The following LUC7L3 variants were observed in gnomAD, a reference collection of about 807,000 sequenced individuals.
The protein encoded by LUC7L3 is luc7-like protein 3.
In LUC7L3, 6 loss-of-function variants were observed where a neutral mutation model predicts 66.8. The observed-to-expected ratio is 0.09, with a 90% confidence interval of 0.05 to 0.18. The LOEUF is 0.18. Among genes scored for constraint, LUC7L3 ranks in the 10% least tolerant of loss-of-function variants. The pLI, the probability that LUC7L3 is intolerant of heterozygous loss-of-function variation, is 1.00. For missense variants in LUC7L3, 341 were observed against 531.1 expected, an observed-to-expected ratio of 0.64 and a Z score of 3.52; for synonymous variants, 160 against 174.7, an observed-to-expected ratio of 0.92 and a Z score of 0.66.
At chr17:50,737,496 G>A (rs73989836) in intron 2 of LUC7L3, 30 of 302,996 alleles carry the variant, frequency 9.9e-5, no homozygotes, top group Non-Finnish European at 1.8e-4. Flanking sequence ...CAGAAGGCAG[G>A]GTTGAGTCAT....
At chr17:50,730,513 C>CAA (rs3063109) in intron 1 of LUC7L3, among the ~76,000 whole-genome samples, 669 of 59,050 alleles carry the variant, frequency 0.011, 7 homozygotes, top group Non-Finnish European at 0.014. Flanking sequence ...ACTCTGTCTC[C>CAA]AAAAAAAAAA....
intron 1 of LUC7L3, among the ~76,000 whole-genome samples, chr17:50,725,524 T>C (rs916683734): frequency 7.2e-5 from 11 of 152,296 alleles, no homozygotes; most frequent in African/African-American, 2.2e-4. Context: ...ACTTTTTTTT[T>C]CCAATGGGGA....
chr17:50,734,224 A>G (rs1323445918), intron 1 of LUC7L3, among the ~76,000 whole-genome samples: 2 of 150,644 alleles, frequency 1.3e-5, no homozygotes, highest in Admixed American at 6.6e-5. Context: ...CTAGAGTGCA[A>G]TGGCCTAATC....
At chr17:50,724,072 A>G (rs1378136130) in intron 1 of LUC7L3, 1 of 400,848 alleles carries the variant, frequency 2.5e-6, no homozygotes, top group East Asian at 8.0e-5. Flanking sequence ...GAATAGTATA[A>G]TAAATTGAAC....
intron 5 of LUC7L3, among the ~76,000 whole-genome samples, chr17:50,742,644 C>T (rs1970422705): frequency 6.6e-6 from 1 of 152,182 alleles, no homozygotes; most frequent in African/African-American, 2.4e-5. Context: ...CAGGTGTAAG[C>T]CACTGTGCCT....
Position 50,751,318 on chromosome 17 carries a change from A to G in LUC7L3, c.*657A>G. 1 of 1,305,710 alleles carries G rather than the reference A, an allele frequency of 7.7e-7. No individual in the cohort carries two copies. The highest frequency in any genetic ancestry group is 2.3e-5 in the Admixed American group (1 of 43,996). The allele number at this position is 1,305,710 out of a possible 1,614,324, so 80.9% of individuals were successfully genotyped here. ...ACAGCGTTGGTGTTGTGAGCGGCCC[A>G]TGAAAAGCCAAATTAAAAATCAAGG... On this transcript the variant is annotated 3_prime_UTR_variant, in exon 10 of 10. Transcript: ENST00000505658.
At chr17:50,721,987 CTG>C (rs1968801623) in intron 1 of LUC7L3, 1 of 151,680 alleles carries the variant, frequency 6.6e-6, no homozygotes, top group African/African-American at 2.4e-5. Context: ...GCCGTGGCAT[CTG>C]TAAGTATTTA....
At chr17:50,740,951 T>C in intron 3 of LUC7L3, 151 bp from the exon 4 acceptor site, 1 of 738,452 alleles carries the variant, frequency 1.4e-6, no homozygotes, top group Non-Finnish European at 2.4e-6. Context: ...TAAAGCTCTA[T>C]GATGAGGGGC....
chr17:50,719,672 C>A lies in LUC7L3; in HGVS notation c.-61C>A. The A allele has an allele frequency of 7.2e-7, 1 of 1,393,606 alleles. No individual in the cohort carries two copies. Among genetic ancestry groups the A allele is most frequent in the Non-Finnish European group, 1.0e-6 (1 of 995,434 alleles). 86.3% of individuals were successfully genotyped at this position (1,393,606 alleles called of 1,614,324 possible). A position where few individuals can be genotyped will look rare whatever the true frequency, so the allele number is the denominator to read the frequency against. ...GGGCCGAGGAGATTGGCGACGGTGT[C>A]GCCCGTGTTTTCGTTGGCGGGTGCC... On this transcript the variant is annotated 5_prime_UTR_variant, in exon 1 of 10. Transcript: ENST00000505658.
In LUC7L3 at chr17:50,753,545, T is replaced by C. The variant is rs1190529134; in HGVS notation, c.*2884T>C. 6.6e-6 allele frequency: 1 copy of C among 152,198 alleles called. No individual in the cohort carries two copies. Among genetic ancestry groups the C allele is most frequent in the Non-Finnish European group, 1.5e-5 (1 of 68,034 alleles). The allele number at this position is 152,198 out of a possible 1,614,324, so 9.4% of individuals were successfully genotyped here. A position where few individuals can be genotyped will look rare whatever the true frequency, so the allele number is the denominator to read the frequency against. On this transcript the variant is annotated 3_prime_UTR_variant, in exon 10 of 10. Coordinates refer to ENST00000505658, the MANE Select transcript of LUC7L3 (RefSeq NM_016424.5). ...GACAGAGCCCTCCTGGCTCCCTAGC[T>C]GATCCTGGAGATGCAGCAATAGATG...
rs1453390060 is a variant in LUC7L3 at position 50,746,839 on chromosome 17, A to C, written c.1138+137A>C. Reference sequence around the variant, plus strand: ...TTTGAGGAATGCCATTCAGTAGGAGACAGGCATTCTTTCCCCCTCTCCTAC... The same window carrying C: ...TTTGAGGAATGCCATTCAGTAGGAGCCAGGCATTCTTTCCCCCTCTCCTAC... On this transcript the variant is annotated intron_variant, in intron 9 of 9. Transcript: ENST00000505658. The C allele has an allele frequency of 4.7e-6, 3 of 633,360 alleles. No homozygotes were observed. In the African/African-American group the frequency reaches 5.7e-5, roughly 12 times the overall value. 39.2% of individuals were successfully genotyped at this position (633,360 alleles called of 1,614,324 possible).
chr17:50,722,168 T>C (rs1968815361), intron 1 of LUC7L3: 1 of 150,994 alleles, frequency 6.6e-6, no homozygotes, highest in African/African-American at 2.4e-5. Flanking sequence ...TATCTGCATT[T>C]TTTATGGCTC....
intron 5 of LUC7L3, 29 bp from the exon 6 acceptor site, chr17:50,743,677 T>TTCA: frequency 7.2e-7 from 1 of 1,388,248 alleles, no homozygotes; most frequent in East Asian, 2.3e-5. Context: ...AAAGAAATCT[T>TTCA]AACTGTTTTT....
Position 50,750,874 on chromosome 17 carries a change from A to G in LUC7L3, c.*213A>G. On this transcript the variant is annotated 3_prime_UTR_variant, in exon 10 of 10. Coordinates refer to ENST00000505658, the MANE Select transcript of LUC7L3 (RefSeq NM_016424.5). ...TGAGGTACATTGTTTTGTCTCAGCT[A>G]TTTTGTAGCAGACTCGTGCCCCCAT... 6.5e-7 allele frequency: 1 copy of G among 1,536,640 alleles called. No homozygotes were observed. Among genetic ancestry groups the G allele is most frequent in the Non-Finnish European group, 8.7e-7 (1 of 1,146,912 alleles).
At position 50,753,500 on chromosome 17, in the gene LUC7L3, G is replaced by T. The variant is rs181931744; in HGVS notation, c.*2839G>T. 2 of 152,338 alleles carry T rather than the reference G, an allele frequency of 1.3e-5. No individual in the cohort carries two copies. Among genetic ancestry groups the T allele is most frequent in the Admixed American group, 1.3e-4 (2 of 15,294 alleles). 9.4% of individuals were successfully genotyped at this position (152,338 alleles called of 1,614,324 possible). ...AAGCCGCCCCCACTTTAGAGGCTCT[G>T]TATGAAAAAATGCTGTGGAGACAGA... On this transcript the variant is annotated 3_prime_UTR_variant, in exon 10 of 10. Transcript: ENST00000505658.
chr17:50,752,401 A>G lies in LUC7L3; in HGVS notation c.*1740A>G, dbSNP rs1473904027. Reference sequence around the variant, plus strand: ...TTCAGAACATGTGTTAATAGTATATATGCCACTGAAAACTTAGGTCCTGTA... The same window carrying G: ...TTCAGAACATGTGTTAATAGTATATGTGCCACTGAAAACTTAGGTCCTGTA... On this transcript the variant is annotated 3_prime_UTR_variant, in exon 10 of 10. Transcript: ENST00000505658. 1 of 279,804 alleles carries G rather than the reference A, an allele frequency of 3.6e-6. No homozygotes were observed. The highest frequency in any genetic ancestry group is 1.2e-4 in the East Asian group (1 of 8,196). The allele number at this position is 279,804 out of a possible 1,614,324, so 17.3% of individuals were successfully genotyped here.
chr17:50,746,250 C>G (rs567937282), intron 8 of LUC7L3, among the ~76,000 whole-genome samples: 2 of 152,268 alleles, frequency 1.3e-5, no homozygotes, highest in Admixed American at 1.3e-4. Context: ...CTGATGGTCT[C>G]TTAAGTGCTT....
chr17:50,723,888 G>C (rs1968972122), intron 1 of LUC7L3: 4 of 439,008 alleles, frequency 9.1e-6, no homozygotes, highest in African/African-American at 2.0e-5. Context: ...GTCCGCCTCA[G>C]TCTCCCAAAG....
chr17:50,749,818 G>T (rs1970895953), intron 9 of LUC7L3, among the ~76,000 whole-genome samples: 1 of 152,150 alleles, frequency 6.6e-6, no homozygotes, highest in African/African-American at 2.4e-5. Flanking sequence ...CCCATCCAAA[G>T]AATAGTAGAG....
Sources: gnomAD v4.1 joint callset for allele counts (sites outside exome capture counted in the v4.1 genomes callset) on GRCh38, gnomAD v4.1.1 for gene constraint, MANE v1.5 for transcripts, NCBI Gene and HGNC (gene_info 2026-07-23, HGNC 2026-07-21) for gene names.